The following PRXL2C variants were observed in gnomAD, a reference collection of about 807,000 sequenced individuals.
PRXL2C encodes peroxiredoxin like 2C.
A neutral mutation model predicts 24.9 loss-of-function variants in PRXL2C; 38 were observed. The ratio of observed to expected loss-of-function variants is 1.53; its 90% confidence interval spans 1.18 to 2.00. The LOEUF (loss-of-function observed/expected upper bound fraction) is 2.00. Among genes scored for constraint, PRXL2C ranks in the 30% most tolerant of loss-of-function variants. The pLI, the probability that PRXL2C is intolerant of heterozygous loss-of-function variation, is 0.00. For synonymous variants in PRXL2C, 98 were observed against 117.2 expected (o/e 0.84, Z 1.06); for missense variants, 294 against 290.9 (o/e 1.01, Z -0.08).
At chr9:96,650,588 CCT>C (rs1387056943) in intron 4 of PRXL2C, among the ~76,000 whole-genome samples, 1 of 151,746 alleles carries the variant, frequency 6.6e-6, no homozygotes, top group Non-Finnish European at 1.5e-5. Flanking sequence ...ATTCAGAGCC[CCT>C]TTCAGTTGGG....
intron 4 of PRXL2C, among the ~76,000 whole-genome samples, 177 bp downstream of exon 4, chr9:96,651,213 G>A (rs773222436): frequency 1.3e-5 from 2 of 151,318 alleles, no homozygotes; most frequent in Non-Finnish European, 3.0e-5. Context: ...GGGAGGTGGA[G>A]GTTGCAGTGA....
chr9:96,651,429 T>A lies in PRXL2C; in HGVS notation c.382A>T (p.Arg128Ter). 6.2e-7 allele frequency: 1 copy of A among 1,613,352 alleles called. No homozygotes were observed. Among genetic ancestry groups the A allele is most frequent in the African/African-American group, 1.3e-5 (1 of 75,040 alleles). ...YVDPEREIYK[R>*]LGMKRGEEIA... is the part of the protein sequence containing the mutation. ...TCTTCACCTCTTTTCATTCCCAATC[T>A]TTTATAAATTTCTCTCTCAGGATCG... The change falls in exon 4 of 6, where the codon AGA becomes TGA. Residue 128 changes from arginine to a stop codon, truncating the protein, a stop_gained. Transcript: ENST00000375234. LOFTEE classifies it high-confidence loss of function.
At position 96,651,402 on chromosome 9, in the gene PRXL2C, T is replaced by C. The variant is rs761866170; in HGVS notation, c.409A>G (p.Ile137Val). ...TGTTATGTCTTACCTGAGGAAGCAA[T>C]TTCTTCACCTCTTTTCATTCCCAAT... ...KRLGMKRGEE[I>V]ASSGQSPHIK... is the part of the protein sequence containing the mutation. The change falls in exon 4 of 6, where the codon ATT becomes GTT. Residue 137 changes from isoleucine (I) to valine (V), a missense_variant. Physicochemically the swap from Ile to Val is conservative, Grantham distance 29 (BLOSUM62 3). Transcript: ENST00000375234. 5 of 1,610,500 alleles carry C rather than the reference T, an allele frequency of 3.1e-6. No individual in the cohort carries two copies. In the South Asian group the frequency reaches 4.4e-5, roughly 14 times the overall value.
intron 3 of PRXL2C, 46 bp downstream of exon 3, chr9:96,651,613 T>C: frequency 6.4e-7 from 1 of 1,573,732 alleles, no homozygotes; most frequent in South Asian, 1.1e-5. Flanking sequence ...TTTTTATGTC[T>C]GAAACAGATT....
At chr9:96,644,675 T>C (rs1848166401) in intron 5 of PRXL2C, among the ~76,000 whole-genome samples, 1 of 150,576 alleles carries the variant, frequency 6.6e-6, no homozygotes, top group South Asian at 2.1e-4. Context: ...TTAGTAGAGA[T>C]GGGGTTTCAC....
rs754879853 is a variant in PRXL2C, at chr9:96,641,808, C to A, written c.632G>T (p.Gly211Val). 1 of 1,582,598 alleles carries A rather than the reference C, an allele frequency of 6.3e-7. No homozygotes were observed. Among genetic ancestry groups the A allele is most frequent in the South Asian group, 1.1e-5 (1 of 87,760 alleles). ...GTTTGTAAAGTTCACATGCTGAACT[C>A]CTACAAGCTGTAAAACAGAGTTGAT... ...KPINSVLQLV[G>V]VQHVNFTNRP... The change falls in exon 6 of 6, where the codon GGA becomes GTA. Residue 211 changes from glycine to valine, a missense_variant. Physicochemically the swap from Gly to Val is moderately radical, Grantham distance 109. Coordinates refer to ENST00000375234, the MANE Select transcript of PRXL2C (RefSeq NM_153698.2).
At chr9:96,650,583 G>A (rs1054181895) in intron 4 of PRXL2C, among the ~76,000 whole-genome samples, 1 of 152,056 alleles carries the variant, frequency 6.6e-6, no homozygotes, top group African/African-American at 2.4e-5. Flanking sequence ...GAGTGATTCA[G>A]AGCCCCTTTC....
intron 2 of PRXL2C, 110 bp downstream of exon 2, chr9:96,654,595 G>C: frequency 1.1e-6 from 1 of 940,918 alleles, no homozygotes. Context: ...AGAGAGCTGC[G>C]GGGAGGGGCA....
intron 2 of PRXL2C, among the ~76,000 whole-genome samples, chr9:96,651,941 A>G (rs755450799): frequency 3.9e-5 from 6 of 152,200 alleles, no homozygotes; most frequent in African/African-American, 7.2e-5. Context: ...ATAAGACCTA[A>G]AACTATAAAA....
chr9:96,642,959 A>G (rs976833154), intron 5 of PRXL2C, among the ~76,000 whole-genome samples: 1 of 152,228 alleles, frequency 6.6e-6, no homozygotes, highest in Non-Finnish European at 1.5e-5. Context: ...TATCTGCTGA[A>G]TATGTACAGA....
chr9:96,651,596 A>T, intron 3 of PRXL2C, 63 bp downstream of exon 3: 2 of 1,555,092 alleles, frequency 1.3e-6, no homozygotes. Flanking sequence ...TGGTTTAAAT[A>T]ATGTAATTTT....
chr9:96,654,432 GT>G (rs1848317768), intron 2 of PRXL2C, among the ~76,000 whole-genome samples: 1 of 152,208 alleles, frequency 6.6e-6, no homozygotes, highest in Non-Finnish European at 1.5e-5. Context: ...TCCAGCATTT[GT>G]TTTAGGGCAT....
chr9:96,641,706 T>A lies in PRXL2C; in HGVS notation c.*53A>T. ...TGCACGAGGATATTACACCCAGGCATTGAAGGTCACATTCCAGAAGGTCCA... is the reference window on the plus strand; with the variant it reads ...TGCACGAGGATATTACACCCAGGCAATGAAGGTCACATTCCAGAAGGTCCA... On this transcript the variant is annotated 3_prime_UTR_variant, in exon 6 of 6. Coordinates refer to ENST00000375234, the MANE Select transcript of PRXL2C (RefSeq NM_153698.2). The A allele has an allele frequency of 2.7e-6, 4 of 1,502,774 alleles. No individual in the cohort carries two copies. The highest frequency in any genetic ancestry group is 2.7e-6 in the Non-Finnish European group (3 of 1,108,508). 93.1% of individuals were successfully genotyped at this position (1,502,774 alleles called of 1,614,324 possible).
At position 96,651,326 on chromosome 9, in the gene PRXL2C, C is replaced by CATAT. The variant is rs1007033481; in HGVS notation, c.421+60_421+63dup. 3 of 1,163,608 alleles carry CATAT rather than the reference C, an allele frequency of 2.6e-6. No homozygotes were observed. The African/African-American group carries it at 4.6e-5, about 18-fold the overall frequency. The allele number at this position is 1,163,608 out of a possible 1,614,324, so 72.1% of individuals were successfully genotyped here. ...TATGAATTGACCATGTTTCCCTATGCATATATACACAAATATGAACATACA... is the reference window on the plus strand; with the variant it reads ...TATGAATTGACCATGTTTCCCTATGCATATATATATACACAAATATGAACATACA... On this transcript the variant is annotated intron_variant, in intron 4 of 5. Transcript: ENST00000375234.
At chr9:96,645,517 G>C (rs1848185157) in intron 5 of PRXL2C, among the ~76,000 whole-genome samples, 2 of 151,990 alleles carry the variant, frequency 1.3e-5, no homozygotes, top group African/African-American at 4.8e-5. Context: ...TGGCCTCTGG[G>C]TGGGGCGCGG....
chr9:96,642,931 A>G (rs1044912219), intron 5 of PRXL2C, among the ~76,000 whole-genome samples: 3 of 152,182 alleles, frequency 2.0e-5, no homozygotes, highest in Non-Finnish European at 2.9e-5. Flanking sequence ...AAATATTCAG[A>G]AAAAAAGGAT....
chr9:96,644,328 A>G (rs1188611751), intron 5 of PRXL2C, among the ~76,000 whole-genome samples: 1 of 152,044 alleles, frequency 6.6e-6, no homozygotes. Flanking sequence ...CACAGTAGAG[A>G]TCTAATCAGT....
chr9:96,649,394 A>G (rs147872414), intron 4 of PRXL2C, among the ~76,000 whole-genome samples: 5,591 of 130,212 alleles, frequency 0.043, 688 homozygotes, highest in African/African-American at 0.24. Flanking sequence ...GAGAAACCCT[A>G]TCTCTACTAA....
chr9:96,654,672 C>T (rs1339275362), intron 2 of PRXL2C, 33 bp downstream of exon 2: 1 of 1,547,102 alleles, frequency 6.5e-7, no homozygotes, highest in South Asian at 1.2e-5. Flanking sequence ...TCTGCAGAAG[C>T]GGGCACTGGG....
Sources: allele counts gnomAD v4.1 joint callset (sites outside exome capture counted in the v4.1 genomes callset), GRCh38; gene constraint gnomAD v4.1.1; transcripts MANE v1.5; gene names NCBI Gene and HGNC (gene_info 2026-07-23, HGNC 2026-07-21).